The following FXYD1 variants were observed in gnomAD, a reference collection of about 807,000 sequenced individuals.
The protein encoded by FXYD1 is FXYD domain containing ion transport regulator 1.
A neutral mutation model predicts 17.2 loss-of-function variants in FXYD1; 9 were observed. The ratio of observed to expected loss-of-function variants is 0.52; its 90% CI spans 0.32 to 0.91. The LOEUF is 0.91. Ranked by LOEUF, FXYD1 falls within the 40% of genes least tolerant of loss-of-function variation. The pLI is 0.04. For missense variants in FXYD1, 113 were observed against 120.6 expected, an observed-to-expected ratio of 0.94 and a Z score of 0.29; for synonymous variants, 55 against 45.8, an observed-to-expected ratio of 1.20 and a Z score of -0.81.
At chr19:35,138,605 C>G (rs2065222895), upstream of FXYD1, 1 of 152,614 alleles carries the variant, frequency 6.6e-6, no homozygotes, top group South Asian at 2.1e-4. Flanking sequence ...CACAATCCTC[C>G]TAGCCTCTCC....
At chr19:35,141,445 C>A in intron 4 of FXYD1, 91 bp from the exon 5 acceptor site, 1 of 1,101,626 alleles carries the variant, frequency 9.1e-7, no homozygotes. Flanking sequence ...CCCCCAAGCC[C>A]CGCCCCTCGC....
At chr19:35,139,381 T>C (rs1344297297) in intron 1 of FXYD1, 2 of 152,862 alleles carry the variant, frequency 1.3e-5, no homozygotes, top group African/African-American at 4.8e-5. Context: ...CATCCGATTG[T>C]GAAAGATGTC....
At chr19:35,142,400 T>C (rs2065264847) in intron 5 of FXYD1, 72 bp from the exon 6 acceptor site, 1 of 1,163,844 alleles carries the variant, frequency 8.6e-7, no homozygotes, top group Non-Finnish European at 1.3e-6. Flanking sequence ...AGGAGGCTTG[T>C]ACTGGGGGGT....
intron 5 of FXYD1, 39 bp downstream of exon 5, chr19:35,141,611 C>T (rs2065257068): frequency 2.5e-6 from 4 of 1,569,786 alleles, no homozygotes; most frequent in Non-Finnish European, 3.5e-6. Context: ...CCCGCTCCTG[C>T]TCTGGAGGGC....
chr19:35,140,987 C>T (rs936002742), intron 3 of FXYD1, 145 bp from the exon 4 acceptor site: 12 of 625,320 alleles, frequency 1.9e-5, no homozygotes, highest in Non-Finnish European at 3.2e-5. Context: ...CTTTCCTCCT[C>T]CCATATCTGC....
intron 3 of FXYD1, 24 bp downstream of exon 3, chr19:35,140,653 G>C (rs773712137): frequency 7.6e-5 from 123 of 1,609,380 alleles, no homozygotes; most frequent in South Asian, 1.8e-4. Flanking sequence ...CTAATTTTGA[G>C]TCCTGGGGGA....
At position 35,141,581 on chromosome 19, in the gene FXYD1, C is replaced by A; in HGVS notation, c.206+9C>A. The A allele has an allele frequency of 6.2e-7, 1 of 1,607,298 alleles. No homozygotes were observed. Among genetic ancestry groups the A allele is most frequent in the Non-Finnish European group, 8.5e-7 (1 of 1,176,294 alleles). Reference sequence around the variant, plus strand: ...TTCAACCAGCAGCAGAGGTAAGACGCCCCTCCCCGCCCTCCTTCGCCCGCT... The same window carrying A: ...TTCAACCAGCAGCAGAGGTAAGACGACCCTCCCCGCCCTCCTTCGCCCGCT... On this transcript the variant is annotated intron_variant, in intron 5 of 7. Coordinates refer to ENST00000351325, the MANE Select transcript of FXYD1 (RefSeq NM_021902.4).
At chr19:35,142,583 C>A in intron 6 of FXYD1, 62 bp downstream of exon 6, 2 of 1,563,430 alleles carry the variant, frequency 1.3e-6, no homozygotes, top group Non-Finnish European at 1.8e-6. Flanking sequence ...CCGCTTTTCC[C>A]GGCCCTCCCT....
At chr19:35,139,308 T>A (rs1365882941) in intron 1 of FXYD1, 2 of 151,794 alleles carry the variant, frequency 1.3e-5, no homozygotes, top group African/African-American at 4.9e-5. Context: ...TGTGTATCCC[T>A]GCCCCAGCAT....
rs1296681702 is a variant in FXYD1 at position 35,141,494 on chromosome 19, C to T, written c.170-42C>T. On this transcript the variant is annotated intron_variant, in intron 4 of 7. Transcript: ENST00000351325. ...AGCTACAGCGCCGCTTGGCGCCCGC[C>T]GGGAGGGAGCCTCAGCTTCTCCTAC... is the stretch of plus-strand genomic sequence containing the variant. The T allele has an allele frequency of 5.1e-6, 8 of 1,569,848 alleles. No individual in the cohort carries two copies. The East Asian group carries it at 9.2e-5, about 18-fold the overall frequency.
At chr19:35,139,962 G>A (rs2065236111) in intron 1 of FXYD1, 114 bp from the exon 2 acceptor site, 1 of 921,582 alleles carries the variant, frequency 1.1e-6, no homozygotes, top group African/African-American at 1.6e-5. Context: ...CAAGATAGAG[G>A]ACAAACACTT....
rs2065256042 is a variant in FXYD1 at position 35,141,552 on chromosome 19, C to G, written c.186C>G (p.Cys62Trp). 3 of 1,611,204 alleles carry G rather than the reference C, an allele frequency of 1.9e-6. No homozygotes were observed. Among genetic ancestry groups the G allele is most frequent in the Non-Finnish European group, 2.5e-6 (3 of 1,178,892 alleles). ...ILIVLSRRCR[C>W]KFNQQQRTGE... ...CGCCCACAGGCAGAAGATGCCGGTG[C>G]AAGTTCAACCAGCAGCAGAGGTAAG... The change falls in exon 5 of 8, where the codon TGC (cysteine) becomes TGG (tryptophan). Residue 62 changes from cysteine (C) to tryptophan (W), a missense_variant. By Grantham distance (215) the Cys-to-Trp change is radical. Transcript: ENST00000351325.
In FXYD1 at chr19:35,140,978, T is replaced by C. The variant is rs1600485259; in HGVS notation, c.95-154T>C. The C allele has an allele frequency of 3.4e-5, 13 of 385,800 alleles. No individual in the cohort carries two copies. In the East Asian group the frequency reaches 7.4e-4, roughly 22 times the overall value. The allele number at this position is 385,800 out of a possible 1,614,324, so 23.9% of individuals were successfully genotyped here. On this transcript the variant is annotated intron_variant, in intron 3 of 7. Transcript: ENST00000351325. Reference sequence around the variant, plus strand: ...CCCTTTCCTCTCCCTGGTACCCCACTTTCCTCCTCCCATATCTGCTCCCCC... The same window carrying C: ...CCCTTTCCTCTCCCTGGTACCCCACCTTCCTCCTCCCATATCTGCTCCCCC...
chr19:35,140,363 G>A (rs1448426449), intron 2 of FXYD1, among the ~76,000 whole-genome samples: 4 of 152,112 alleles, frequency 2.6e-5, no homozygotes, highest in Non-Finnish European at 2.9e-5. Flanking sequence ...TCCCCGATGG[G>A]ATAACTGGGT....
chr19:35,142,441 TCCCG>T (rs1568403476), intron 5 of FXYD1, 27 bp from the exon 6 acceptor site: 3 of 1,577,726 alleles, frequency 1.9e-6, no homozygotes, highest in Non-Finnish European at 2.6e-6. Flanking sequence ...CCCCTTTCCA[TCCCG>T]AAATCCCTCT....
intron 5 of FXYD1, 95 bp downstream of exon 5, chr19:35,141,667 C>A: frequency 1.0e-6 from 1 of 1,000,142 alleles, no homozygotes; most frequent in Non-Finnish European, 1.5e-6. Flanking sequence ...GCCCGATCCC[C>A]GTCAGCGACT....
upstream of FXYD1, chr19:35,137,893 A>G (rs1229416221): frequency 6.6e-6 from 1 of 152,242 alleles, no homozygotes; most frequent in Admixed American, 6.5e-5. Flanking sequence ...GGCCTCCCAA[A>G]GTGCTGGGAG....
intron 1 of FXYD1, chr19:35,139,491 G>A (rs2145379078): frequency 6.6e-6 from 1 of 152,648 alleles, no homozygotes; most frequent in Non-Finnish European, 1.5e-5. Flanking sequence ...TGGCGATGTG[G>A]CAGCTGGGCC....
At chr19:35,140,980 T>C (rs906661930) in intron 3 of FXYD1, 152 bp from the exon 4 acceptor site, 21 of 541,274 alleles carry the variant, frequency 3.9e-5, no homozygotes, top group African/African-American at 3.9e-4. Context: ...TACCCCACTT[T>C]CCTCCTCCCA....
Sources: allele counts gnomAD v4.1 joint callset (sites outside exome capture counted in the v4.1 genomes callset), GRCh38; gene constraint gnomAD v4.1.1; transcripts MANE v1.5; gene names NCBI Gene and HGNC (gene_info 2026-07-23, HGNC 2026-07-21).